The following NHS variants were observed in gnomAD, a reference collection of about 807,000 sequenced individuals.
NHS encodes actin remodeling regulator NHS.
NHS carries 5 observed loss-of-function variants against 72.5 expected under a neutral mutation model. The observed-to-expected ratio is 0.07, with a 90% confidence interval of 0.04 to 0.14. NHS has a LOEUF of 0.14. NHS is among the 10% of genes least tolerant of loss of function. The probability of loss-of-function intolerance (pLI) is 1.00; values close to 1 mark genes in which losing one functional copy is unlikely to be tolerated. For missense variants in NHS, 1,072 were observed against 1,355.7 expected (o/e 0.79, Z 3.29); for synonymous variants, 464 against 547.7 (o/e 0.85, Z 2.13).
At chrX:17,614,659 A>G (rs915837009) in intron 1 of NHS, among the ~76,000 whole-genome samples, 1 of 111,530 alleles carries the variant, frequency 9.0e-6, no homozygotes, top group Non-Finnish European at 1.9e-5. Context: ...AGTGTCAACA[A>G]TCTACACTCA....
intron 1 of NHS, among the ~76,000 whole-genome samples, chrX:17,527,856 G>A (rs1003233440): frequency 1.8e-5 from 2 of 111,269 alleles, no homozygotes; most frequent in African/African-American, 6.6e-5. Flanking sequence ...CTGTAAAAGC[G>A]CTGCTCCCTT....
chrX:17,676,714 A>G (rs2066083918), intron 1 of NHS, among the ~76,000 whole-genome samples: 1 of 112,220 alleles, frequency 8.9e-6, no homozygotes, highest in African/African-American at 3.2e-5. Flanking sequence ...ACCCTGGTTT[A>G]AGCTCAGGCG....
intron 1 of NHS, among the ~76,000 whole-genome samples, chrX:17,638,406 G>A (rs2065861851): frequency 8.9e-6 from 1 of 112,271 alleles, no homozygotes; most frequent in African/African-American, 3.2e-5. Flanking sequence ...TTCTTAAATT[G>A]AATGTTTCAA....
intron 2 of NHS, 146 bp from the exon 3 acceptor site, chrX:17,692,189 A>G (rs2066199870): frequency 1.4e-6 from 1 of 722,663 alleles, no homozygotes; most frequent in Non-Finnish European, 2.1e-6. Context: ...ACCATTCTGA[A>G]AATCTTATTT....
In NHS at chrX:17,405,315, C is replaced by T. The variant is rs757290852; in HGVS notation, c.565+28993C>T. Among the ~76,000 whole-genome samples, 3 of 112,348 alleles carry T rather than the reference C, an allele frequency of 2.7e-5. No homozygotes were observed. In the East Asian group the frequency reaches 8.4e-4, roughly 32 times the overall value. On this transcript the variant is annotated intron_variant, in intron 1 of 8. Transcript: ENST00000676302. The stretch of plus-strand genomic sequence containing the variant: ...GGAGCTGCTGGAAAATGTCATCTAG[C>T]CATGAGCAGGCTTGGTGAGCAAGTA...
intron 1 of NHS, among the ~76,000 whole-genome samples, chrX:17,567,013 C>T (rs961683297): frequency 2.7e-5 from 3 of 112,003 alleles, no homozygotes; most frequent in Non-Finnish European, 5.6e-5. Context: ...TTTCTGTGCT[C>T]CAGAATGTGA....
At chrX:17,517,664 A>G (rs921779604) in intron 1 of NHS, among the ~76,000 whole-genome samples, 31 of 111,878 alleles carry the variant, frequency 2.8e-4, no homozygotes, top group African/African-American at 9.4e-4. Context: ...ATTGTGTTGT[A>G]AATGGGCCCT....
chrX:17,538,538 A>C (rs1183176275), intron 1 of NHS, among the ~76,000 whole-genome samples: 1 of 111,667 alleles, frequency 9.0e-6, no homozygotes, highest in Non-Finnish European at 1.9e-5. Context: ...TGTTCTTCAT[A>C]ATTCCTGCCC....
At chrX:17,516,225 A>G in intron 1 of NHS, among the ~76,000 whole-genome samples, 1 of 111,541 alleles carries the variant, frequency 9.0e-6, no homozygotes, top group East Asian at 2.8e-4. Flanking sequence ...CTCAATTCAG[A>G]CTAGCCAAGT....
chrX:17,682,845 C>G (rs187421884), intron 1 of NHS, among the ~76,000 whole-genome samples: 55 of 111,313 alleles, frequency 4.9e-4, no homozygotes, highest in African/African-American at 1.5e-3. Flanking sequence ...AGTAGCACCC[C>G]TAACAGGGCA....
At chrX:17,575,257 C>G (rs1022005378) in intron 1 of NHS, among the ~76,000 whole-genome samples, 1 of 112,981 alleles carries the variant, frequency 8.9e-6, no homozygotes, top group Admixed American at 9.3e-5. Flanking sequence ...GAAATCCAAG[C>G]TCCTGGCCAT....
chrX:17,642,112 A>AT (rs1161675996), intron 1 of NHS, among the ~76,000 whole-genome samples: 1 of 111,184 alleles, frequency 9.0e-6, no homozygotes, highest in Admixed American at 9.5e-5. Flanking sequence ...GGCCTGGCTA[A>AT]TTTTTTTGTA....
chrX:17,665,115 C>T (rs943056592), intron 1 of NHS, among the ~76,000 whole-genome samples: 3 of 108,521 alleles, frequency 2.8e-5, no homozygotes, highest in Non-Finnish European at 5.7e-5. Flanking sequence ...TTGTATCCAG[C>T]GACTTTTCTA....
intron 8 of NHS, 105 bp downstream of exon 8, chrX:17,728,880 T>C: frequency 2.0e-6 from 2 of 1,024,500 alleles, no homozygotes; most frequent in South Asian, 2.0e-5. Context: ...TTTGTAATTG[T>C]AATACATTCA....
chrX:17,499,543 C>T (rs1287959713), intron 1 of NHS, among the ~76,000 whole-genome samples: 8 of 110,147 alleles, frequency 7.3e-5, no homozygotes, highest in African/African-American at 1.3e-4. Flanking sequence ...ATTGGGTTCC[C>T]GAGAGACAGC....
intron 1 of NHS, among the ~76,000 whole-genome samples, chrX:17,395,150 C>A (rs1288125572): frequency 1.8e-5 from 2 of 109,115 alleles, no homozygotes; most frequent in East Asian, 5.7e-4. Context: ...ATTCTCCCTC[C>A]CAGTTTATGA....
intron 1 of NHS, among the ~76,000 whole-genome samples, chrX:17,554,813 A>G (rs190780339): frequency 6.3e-4 from 70 of 111,466 alleles, no homozygotes; most frequent in African/African-American, 1.5e-3. Flanking sequence ...ATTTTGCAGT[A>G]CTGTCAGGAA....
chrX:17,522,372 TTGGCC>T (rs1327734416), intron 1 of NHS, among the ~76,000 whole-genome samples: 1 of 111,578 alleles, frequency 9.0e-6, no homozygotes, highest in Non-Finnish European at 1.9e-5. Flanking sequence ...TCCAGATGGT[TTGGCC>T]TGGTTGGTGC....
chrX:17,703,005 A>T (rs1167132001), intron 3 of NHS, among the ~76,000 whole-genome samples: 1 of 110,869 alleles, frequency 9.0e-6, no homozygotes, highest in East Asian at 2.8e-4. Context: ...ACGGTGGCTC[A>T]TACCTGTAAT....
Sources: gnomAD v4.1 joint callset for allele counts (sites outside exome capture counted in the v4.1 genomes callset) on GRCh38, gnomAD v4.1.1 for gene constraint, MANE v1.5 for transcripts, NCBI Gene and HGNC (gene_info 2026-07-23, HGNC 2026-07-21) for gene names.